ATXN1: variants seen among roughly 807,000 people sequenced by gnomAD.
ATXN1 encodes the protein ataxin-1.
Under a neutral mutation model 56.4 loss-of-function variants are expected in ATXN1, and 8 were observed. That is an observed-to-expected ratio of 0.14 (90% CI 0.08 to 0.26). The LOEUF (loss-of-function observed/expected upper bound fraction) is 0.26. ATXN1 is among the 10% of genes least tolerant of loss of function. ATXN1 has a pLI of 1.00. For synonymous variants in ATXN1, 514 were observed against 494.6 expected (o/e 1.04, Z -0.52); for missense variants, 987 against 1,106.5 (o/e 0.89, Z 1.53).
At chr6:16,751,755 T>C (rs930978905) in intron 2 of ATXN1, among the ~76,000 whole-genome samples, 1 of 152,224 alleles carries the variant, frequency 6.6e-6, no homozygotes. Context: ...ATATTTCTAG[T>C]CATGTATGGT....
At chr6:16,365,880 T>G (rs1761907607) in intron 6 of ATXN1, among the ~76,000 whole-genome samples, 1 of 152,212 alleles carries the variant, frequency 6.6e-6, no homozygotes. Flanking sequence ...ATTAATCATT[T>G]CCACTTACAT....
At chr6:16,697,994 C>G (rs1344590753) in intron 2 of ATXN1, among the ~76,000 whole-genome samples, 1 of 152,174 alleles carries the variant, frequency 6.6e-6, no homozygotes, top group Non-Finnish European at 1.5e-5. Flanking sequence ...CACTGCTCTG[C>G]AGACATATCT....
intron 3 of ATXN1, among the ~76,000 whole-genome samples, chr6:16,620,128 C>T (rs1231074713): frequency 6.6e-6 from 1 of 152,124 alleles, no homozygotes; most frequent in African/African-American, 2.4e-5. Flanking sequence ...TAACCCCCCT[C>T]AACCAAACTT....
chr6:16,436,786 G>A (rs926480760), intron 6 of ATXN1, among the ~76,000 whole-genome samples: 2 of 152,186 alleles, frequency 1.3e-5, no homozygotes, highest in Non-Finnish European at 2.9e-5. Context: ...TGAGTGAGCT[G>A]AGAGGCACTG....
At chr6:16,355,429 G>A (rs542719382) in intron 6 of ATXN1, among the ~76,000 whole-genome samples, 8 of 152,320 alleles carry the variant, frequency 5.3e-5, no homozygotes, top group East Asian at 1.9e-4. Context: ...TCTTCTAAGC[G>A]AAGACACAAA....
intron 4 of ATXN1, among the ~76,000 whole-genome samples, chr6:16,582,103 CACA>C (rs1762541148): frequency 6.6e-6 from 1 of 152,200 alleles, no homozygotes; most frequent in Non-Finnish European, 1.5e-5. Flanking sequence ...TGTCAACAAT[CACA>C]ACCTCATTGT....
At chr6:16,747,606 T>C (rs1040787981) in intron 2 of ATXN1, among the ~76,000 whole-genome samples, 1 of 151,360 alleles carries the variant, frequency 6.6e-6, no homozygotes, top group Non-Finnish European at 1.5e-5. Flanking sequence ...AAATCTTGCA[T>C]CCTCTTCTCG....
At chr6:16,366,639 G>T (rs1761926764) in intron 6 of ATXN1, among the ~76,000 whole-genome samples, 1 of 151,714 alleles carries the variant, frequency 6.6e-6, no homozygotes, top group Non-Finnish European at 1.5e-5. Flanking sequence ...AAATTAGCCG[G>T]GCATGATGGC....
intron 6 of ATXN1, among the ~76,000 whole-genome samples, chr6:16,419,110 C>T (rs1271632261): frequency 6.6e-6 from 1 of 152,076 alleles, no homozygotes; most frequent in African/African-American, 2.4e-5. Flanking sequence ...CTGTCATGAG[C>T]TTTTTGTATT....
At chr6:16,311,042 T>C (rs907048086) in intron 7 of ATXN1, among the ~76,000 whole-genome samples, 1 of 152,190 alleles carries the variant, frequency 6.6e-6, no homozygotes, top group African/African-American at 2.4e-5. Context: ...CATGAACCCC[T>C]TCTCCTGTGT....
chr6:16,352,877 T>C (rs775300234), intron 6 of ATXN1, among the ~76,000 whole-genome samples: 9 of 152,188 alleles, frequency 5.9e-5, no homozygotes, highest in Non-Finnish European at 1.2e-4. Flanking sequence ...TGTAACAGTA[T>C]GCCAGCATCA....
At chr6:16,644,678 A>G (rs899862116) in intron 3 of ATXN1, among the ~76,000 whole-genome samples, 1 of 152,008 alleles carries the variant, frequency 6.6e-6, no homozygotes, top group African/African-American at 2.4e-5. Context: ...CTGGTCCCTG[A>G]GACACAGCGT....
chr6:16,428,533 C>T (rs535528552), intron 6 of ATXN1, among the ~76,000 whole-genome samples: 2 of 151,514 alleles, frequency 1.3e-5, no homozygotes, highest in East Asian at 2.0e-4. Flanking sequence ...ATTTCTTAAG[C>T]GCTTGCACTG....
At chr6:16,566,948 TAA>T (rs2113745899) in intron 4 of ATXN1, among the ~76,000 whole-genome samples, 1 of 152,324 alleles carries the variant, frequency 6.6e-6, no homozygotes, top group African/African-American at 2.4e-5. Context: ...CCTGGCATCG[TAA>T]GTTGTCTTTC....
intron 6 of ATXN1, among the ~76,000 whole-genome samples, chr6:16,464,552 C>T (rs1323513400): frequency 6.6e-6 from 1 of 152,114 alleles, no homozygotes; most frequent in African/African-American, 2.4e-5. Context: ...TAACACTCAC[C>T]ATGAAGGTCC....
At chr6:16,448,424 GC>G (rs1379166376) in intron 6 of ATXN1, among the ~76,000 whole-genome samples, 17 of 152,224 alleles carry the variant, frequency 1.1e-4, no homozygotes, top group African/African-American at 3.9e-4. Context: ...TGTTTCCTGC[GC>G]TAGAATGATG....
intron 6 of ATXN1, among the ~76,000 whole-genome samples, chr6:16,354,703 A>G (rs1184588321): frequency 6.6e-6 from 1 of 152,258 alleles, no homozygotes; most frequent in Non-Finnish European, 1.5e-5. Flanking sequence ...AGCTCTAAAA[A>G]GAACCTTAGT....
intron 4 of ATXN1, among the ~76,000 whole-genome samples, chr6:16,523,467 G>A (rs918000277): frequency 3.3e-5 from 5 of 152,146 alleles, no homozygotes; most frequent in African/African-American, 4.8e-5. Flanking sequence ...TGCCTTAGCC[G>A]CCAAGTAGCT....
intron 6 of ATXN1, among the ~76,000 whole-genome samples, chr6:16,469,094 G>A (rs1760166167): frequency 2.0e-5 from 3 of 152,156 alleles, no homozygotes; most frequent in South Asian, 2.1e-4. Context: ...CACTTACACC[G>A]TGGGCACCCA....
Sources: allele counts gnomAD v4.1 joint callset (sites outside exome capture counted in the v4.1 genomes callset), GRCh38; gene constraint gnomAD v4.1.1; transcripts MANE v1.5; gene names NCBI Gene and HGNC (gene_info 2026-07-23, HGNC 2026-07-21).